Variants in CATSPERG observed in about 807,000 individuals in gnomAD.
CATSPERG encodes the protein cation channel sperm-associated auxiliary subunit gamma.
In CATSPERG, 115 loss-of-function variants were observed where a neutral mutation model predicts 145.0. The ratio of observed to expected loss-of-function variants is 0.79; its 90% confidence interval spans 0.68 to 0.93. The LOEUF (loss-of-function observed/expected upper bound fraction) is 0.93, where lower values mean the gene tolerates loss of function less well. Among genes scored for constraint, CATSPERG ranks in the 40% least tolerant of loss-of-function variants. The pLI is 0.00. For missense variants in CATSPERG, 1,296 were observed against 1,490.1 expected (o/e 0.87, Z 2.14); for synonymous variants, 588 against 589.0 (o/e 1.00, Z 0.02).
chr19:38,336,030 A>AG (rs1281413274), intron 1 of CATSPERG, 155 bp downstream of exon 1: 1 of 286,866 alleles, frequency 3.5e-6, no homozygotes, highest in African/African-American at 2.9e-5. Flanking sequence ...GGAGGGAAAG[A>AG]GGGGAAGAGT....
chr19:38,337,155 T>A lies in CATSPERG; in HGVS notation c.-14-66T>A, dbSNP rs1303685657. 1.8e-4 allele frequency: 278 copies of A among 1,514,274 alleles called. 3 individuals carry two copies. In the East Asian group the frequency reaches 6.8e-3, roughly 37 times the overall value. 93.8% of individuals were successfully genotyped at this position (1,514,274 alleles called of 1,614,324 possible). On this transcript the variant is annotated intron_variant, in intron 1 of 28. Transcript: ENST00000409235. ...TGCTGTGAGAGGCGCAGAAGCGAGG[T>A]GGAATCTTAAAAGTGGGCTCCAGAG... is the stretch of plus-strand genomic sequence containing the variant.
In CATSPERG at chr19:38,352,303, C is replaced by T; in HGVS notation, c.868C>T (p.His290Tyr). The change falls in exon 8 of 29, where the codon CAT becomes TAT. Residue 290 changes from histidine (H) to tyrosine (Y), a missense_variant. His to Tyr is a moderately conservative substitution (Grantham distance 83). Transcript: ENST00000409235. ...SCWVGSFYCP[H>Y]SGFTATIYDT... ...CTGGGTGGGCTCCTTCTACTGCCCC[C>T]ATTCTGGCTTCACAGCCACCATCTA... is the stretch of plus-strand genomic sequence containing the variant. 1 of 1,551,738 alleles carries T rather than the reference C, an allele frequency of 6.4e-7. No individual in the cohort carries two copies. Among genetic ancestry groups the T allele is most frequent in the South Asian group, 1.2e-5 (1 of 84,064 alleles).
At chr19:38,344,733 A>AT (rs1184718696) in intron 6 of CATSPERG, among the ~76,000 whole-genome samples, 42 of 103,600 alleles carry the variant, frequency 4.1e-4, no homozygotes, top group East Asian at 1.0e-3. Context: ...ATACATATAT[A>AT]GTACATACCT....
At chr19:38,346,692 T>C in intron 7 of CATSPERG, 87 bp downstream of exon 7, 1 of 1,259,596 alleles carries the variant, frequency 7.9e-7, no homozygotes, top group African/African-American at 1.5e-5. Context: ...CCTGGGGCTC[T>C]AGAAGTCCCC....
chr19:38,353,667 A>G (rs1436493580), intron 8 of CATSPERG, among the ~76,000 whole-genome samples: 1 of 143,404 alleles, frequency 7.0e-6, no homozygotes, highest in African/African-American at 2.6e-5. Context: ...ACTGCACTCC[A>G]GCCTGGGCGA....
chr19:38,362,003 G>A lies in CATSPERG; in HGVS notation c.2094+142G>A, dbSNP rs557570081. On this transcript the variant is annotated intron_variant, in intron 17 of 28. Transcript: ENST00000409235. ...GTGGGTGGGCGGGGGACCTGGGGGC[G>A]GGGCCTGGCTTGAGCAGGACTTCCA... 48 of 847,978 alleles carry A rather than the reference G, an allele frequency of 5.7e-5. No individual in the cohort carries two copies. The African/African-American group carries it at 6.5e-4, about 11-fold the overall frequency. The allele number at this position is 847,978 out of a possible 1,614,324, so 52.5% of individuals were successfully genotyped here.
intron 8 of CATSPERG, among the ~76,000 whole-genome samples, chr19:38,353,990 CAAAAAAAAAAAAA>C (rs965226814): frequency 3.3e-5 from 1 of 30,556 alleles, no homozygotes. Context: ...GACTCTGTCT[CAAAAAAAAAAAAA>C]AAAAAAAAAA....
chr19:38,359,822 A>G (rs188344519), intron 14 of CATSPERG: 1 of 1,255,586 alleles, frequency 8.0e-7, no homozygotes, highest in African/African-American at 1.5e-5. Context: ...TTCATCCCAC[A>G]GTGTGGTCGT....
intron 21 of CATSPERG, 35 bp from the exon 22 acceptor site, chr19:38,365,026 C>G: frequency 6.2e-7 from 1 of 1,613,674 alleles, no homozygotes; most frequent in Non-Finnish European, 8.5e-7. Context: ...CCTGGGCCGG[C>G]GGGGATCACC....
Position 38,370,863 on chromosome 19 carries a change from T to G in CATSPERG, c.*71T>G, listed in dbSNP as rs1600491939. Reference sequence around the variant, plus strand: ...TGAGGCCCATCTTGAAGATGCAACCTGTCACCCAGCCCAGGCCTCTCTTTC... The same window carrying G: ...TGAGGCCCATCTTGAAGATGCAACCGGTCACCCAGCCCAGGCCTCTCTTTC... On this transcript the variant is annotated 3_prime_UTR_variant, in exon 29 of 29. Coordinates refer to ENST00000409235, the MANE Select transcript of CATSPERG (RefSeq NM_021185.5). The G allele has an allele frequency of 6.6e-7, 1 of 1,508,864 alleles. No homozygotes were observed. Among genetic ancestry groups the G allele is most frequent in the East Asian group, 2.3e-5 (1 of 44,050 alleles). The allele number at this position is 1,508,864 out of a possible 1,614,324, so 93.5% of individuals were successfully genotyped here. A position where few individuals can be genotyped will look rare whatever the true frequency, so the allele number is the denominator to read the frequency against.
At position 38,362,361 on chromosome 19, in the gene CATSPERG, C is replaced by T; in HGVS notation, c.2158-15C>T. On this transcript the variant is annotated splice_polypyrimidine_tract_variant and intron_variant, in intron 18 of 28. Coordinates refer to ENST00000409235, the MANE Select transcript of CATSPERG (RefSeq NM_021185.5). ...CCCCCGGCGCTGACTCTGCCCCGCG[C>T]ATCCGGTACCCCAGGATTACTACTT... 6.2e-7 allele frequency: 1 copy of T among 1,614,078 alleles called. No individual in the cohort carries two copies. The highest frequency in any genetic ancestry group is 8.5e-7 in the Non-Finnish European group (1 of 1,179,914).
At chr19:38,357,976 ATGG>A in intron 11 of CATSPERG, 1 of 300,392 alleles carries the variant, frequency 3.3e-6, no homozygotes. Flanking sequence ...TTAGCTGGGC[ATGG>A]TGGTGGTGTG....
At position 38,370,029 on chromosome 19, in the gene CATSPERG, C is replaced by T. The variant is rs754813600; in HGVS notation, c.3078C>T (p.Ala1026=). The T allele has an allele frequency of 5.6e-6, 9 of 1,614,058 alleles. No individual in the cohort carries two copies. Among genetic ancestry groups the T allele is most frequent in the Non-Finnish European group, 5.1e-6 (6 of 1,180,046 alleles). Reference sequence around the variant, plus strand: ...ACAATGTTCCCCAAGGCATCTTTGCCCCTGAATTCTTCTTCAAGGTGTTGG... The same window carrying T: ...ACAATGTTCCCCAAGGCATCTTTGCTCCTGAATTCTTCTTCAAGGTGTTGG... ...CYDNVPQGIF[A]PEFFFKVLVS... is the part of the protein sequence containing the mutation. The change falls in exon 27 of 29, where the codon GCC becomes GCT. Residue 1026 remains alanine (A), a synonymous_variant. Coordinates refer to ENST00000409235, the MANE Select transcript of CATSPERG (RefSeq NM_021185.5).
At chr19:38,362,129 G>C (rs1281303814) in intron 17 of CATSPERG, 81 bp from the exon 18 acceptor site, 29 of 1,446,040 alleles carry the variant, frequency 2.0e-5, no homozygotes, top group Non-Finnish European at 2.7e-5. Context: ...TTGAGGCTAG[G>C]AGGTGGTCTG....
chr19:38,343,718 A>T lies in CATSPERG; in HGVS notation c.463A>T (p.Ser155Cys). Residue 155 changes from serine to cysteine, a missense_variant, in exon 4 of 29, where the codon AGC becomes TGC. Coordinates refer to ENST00000409235, the MANE Select transcript of CATSPERG (RefSeq NM_021185.5). ...CCAGATGGAGGCTGCCCCCTTCCGCAGCAAAGGTGGGCCTGGGGGAGGCGG... is the reference window on the plus strand; with the variant it reads ...CCAGATGGAGGCTGCCCCCTTCCGCTGCAAAGGTGGGCCTGGGGGAGGCGG... ...QIQMEAAPFR[S>C]KEPCMAEEVC... 6.5e-7 allele frequency: 1 copy of T among 1,549,422 alleles called. No homozygotes were observed. Among genetic ancestry groups the T allele is most frequent in the Non-Finnish European group, 8.7e-7 (1 of 1,146,482 alleles).
chr19:38,346,180 A>G (rs1448141582), intron 6 of CATSPERG, among the ~76,000 whole-genome samples: 2 of 152,210 alleles, frequency 1.3e-5, no homozygotes, highest in African/African-American at 4.8e-5. Context: ...TACTAAGGGA[A>G]GAGCAGTTCA....
At chr19:38,355,205 C>T (rs751219008) in intron 9 of CATSPERG, among the ~76,000 whole-genome samples, 4 of 151,392 alleles carry the variant, frequency 2.6e-5, no homozygotes, top group African/African-American at 4.9e-5. Context: ...ATTAGTTGGG[C>T]GTGGTGGCAG....
chr19:38,355,853 GTAAT>G (rs149966681), intron 9 of CATSPERG, among the ~76,000 whole-genome samples: 46 of 152,292 alleles, frequency 3.0e-4, no homozygotes, highest in African/African-American at 1.1e-3. Flanking sequence ...GTGCAGCATA[GTAAT>G]TAATTATAGC....
Position 38,362,459 on chromosome 19 carries a change from C to G in CATSPERG, c.2241C>G (p.Asn747Lys). 1 of 1,614,004 alleles carries G rather than the reference C, an allele frequency of 6.2e-7. No individual in the cohort carries two copies. Among genetic ancestry groups the G allele is most frequent in the Non-Finnish European group, 8.5e-7 (1 of 1,180,038 alleles). Residue 747 changes from asparagine (N) to lysine (K), a missense_variant, in exon 19 of 29, where the codon AAC (asparagine) becomes AAG (lysine). Physicochemically the swap from Asn to Lys is moderately conservative, Grantham distance 94. Transcript: ENST00000409235. ...TGGACAGCTACGAAAAGATCTACAACCTCGAGTCCGCGTACGAGCTGCCGG... is the reference window on the plus strand; with the variant it reads ...TGGACAGCTACGAAAAGATCTACAAGCTCGAGTCCGCGTACGAGCTGCCGG... The part of the protein sequence containing the change: ...IEMDSYEKIY[N>K]LESAYELPER...
Sources: gnomAD v4.1 joint callset for allele counts (sites outside exome capture counted in the v4.1 genomes callset) on GRCh38, gnomAD v4.1.1 for gene constraint, MANE v1.5 for transcripts, NCBI Gene and HGNC (gene_info 2026-07-23, HGNC 2026-07-21) for gene names.